SEC61A2: variants seen among roughly 807,000 people sequenced by gnomAD.
The protein encoded by SEC61A2 is SEC61 translocon subunit alpha 2, also known as protein transport protein Sec61 subunit alpha isoform 2.
Under a neutral mutation model 59.9 loss-of-function variants are expected in SEC61A2, and 28 were observed. The observed-to-expected ratio is 0.47, with a 90% confidence interval of 0.35 to 0.64. The LOEUF is 0.64. Ranked by LOEUF, SEC61A2 falls within the 30% of genes least tolerant of loss-of-function variation. The pLI is 0.01. For missense variants in SEC61A2, 340 were observed against 585.9 expected (o/e 0.58, Z 4.33); for synonymous variants, 202 against 214.4 (o/e 0.94, Z 0.50).
At chr10:12,129,660 G>T, upstream of SEC61A2, 1 of 897,804 alleles carries the variant, frequency 1.1e-6, no homozygotes, top group Non-Finnish European at 1.6e-6. This position sits in a 1 kb window ranked among gnomAD's most constrained non-coding sequence, Gnocchi z 5.6. Flanking sequence ...GTCTGCGCGG[G>T]GTTGGGCGGA....
rs933391749 is a variant in SEC61A2, at chr10:12,152,844, G to A, written c.462+2883G>A. On this transcript the variant is annotated intron_variant, in intron 6 of 11. Transcript: ENST00000298428. This position sits in a 1 kb window ranked among gnomAD's most constrained non-coding sequence, Gnocchi z 5.5. ...TGCAGTGAGCTGAGATTGCACCACT[G>A]CACTCCAGCCTGGCGACAGAGCGGG... 9.9e-5 allele frequency among the ~76,000 whole-genome samples: 15 copies of A among 152,160 alleles called. No individual in the cohort carries two copies. Among genetic ancestry groups the A allele is most frequent in the African/African-American group, 3.6e-4 (15 of 41,446 alleles).
At chr10:12,134,046 C>G (rs776568368) in intron 2 of SEC61A2, among the ~76,000 whole-genome samples, 10 of 144,474 alleles carry the variant, frequency 6.9e-5, no homozygotes, top group Admixed American at 5.6e-4. Context: ...TCGCTCTGTC[C>G]CCCAGGCTGG....
In SEC61A2 at chr10:12,156,886, G is replaced by C; in HGVS notation, c.617-21G>C. 6.2e-7 allele frequency: 1 copy of C among 1,612,690 alleles called. No individual in the cohort carries two copies. The highest frequency in any genetic ancestry group is 8.5e-7 in the Non-Finnish European group (1 of 1,179,510). Reference sequence around the variant, plus strand: ...GCTTTGGACGATGAGTCCACAGGTCGTGTCTGTCTTGATTTTACAGGTACT... The same window carrying C: ...GCTTTGGACGATGAGTCCACAGGTCCTGTCTGTCTTGATTTTACAGGTACT... On this transcript the variant is annotated intron_variant, in intron 7 of 11. Transcript: ENST00000298428. The surrounding 1 kb of genome is among the most constrained non-coding windows in gnomAD (Gnocchi z 5.2).
At chr10:12,157,128 G>C (rs753335775) in intron 8 of SEC61A2, 61 bp downstream of exon 8, 20 of 1,497,956 alleles carry the variant, frequency 1.3e-5, no homozygotes, top group Non-Finnish European at 1.7e-5. Context: ...CTCTTAAAGA[G>C]AATGCCATCT....
chr10:12,130,128 CGT>C (rs1833697495), intron 1 of SEC61A2, among the ~76,000 whole-genome samples: 1 of 152,138 alleles, frequency 6.6e-6, no homozygotes, highest in African/African-American at 2.4e-5. Flanking sequence ...AAAGAAATCC[CGT>C]GTTTTTATTC....
intron 3 of SEC61A2, among the ~76,000 whole-genome samples, chr10:12,136,686 G>A (rs565823794): frequency 6.6e-6 from 1 of 152,252 alleles, no homozygotes; most frequent in African/African-American, 2.4e-5. Context: ...CTGGAGTGCA[G>A]TGGTATGATC....
Position 12,164,733 on chromosome 10 carries a change from CAGTG to C in SEC61A2, c.*282_*285del. On this transcript the variant is annotated 3_prime_UTR_variant, in exon 12 of 12. Coordinates refer to ENST00000298428, the MANE Select transcript of SEC61A2 (RefSeq NM_018144.4). This position sits in a 1 kb window ranked among gnomAD's most constrained non-coding sequence, Gnocchi z 7.3. Reference sequence around the variant, plus strand: ...TCTACCTTGCTGTGTTAAATCATGACAGTGAGACGGTGAGATGGATTCGTTTTGC... The same window carrying C: ...TCTACCTTGCTGTGTTAAATCATGACAGACGGTGAGATGGATTCGTTTTGC... The C allele has an allele frequency of 1.7e-6, 2 of 1,186,864 alleles. No individual in the cohort carries two copies. The highest frequency in any genetic ancestry group is 2.1e-6 in the Non-Finnish European group (2 of 957,910). The allele number at this position is 1,186,864 out of a possible 1,614,324, so 73.5% of individuals were successfully genotyped here. A position where few individuals can be genotyped will look rare whatever the true frequency, so the allele number is the denominator to read the frequency against.
chr10:12,158,183 G>T lies in SEC61A2; in HGVS notation c.975+78G>T, dbSNP rs1834450214. The T allele has an allele frequency of 1.8e-6, 2 of 1,129,038 alleles. No homozygotes were observed. The highest frequency in any genetic ancestry group is 1.6e-5 in the African/African-American group (1 of 63,516). 69.9% of individuals were successfully genotyped at this position (1,129,038 alleles called of 1,614,324 possible). The stretch of plus-strand genomic sequence containing the variant: ...ATGGTTGTATTTTTAATGGAATGAG[G>T]TCGACATTGGAGCATTTGCTGTATT... On this transcript the variant is annotated intron_variant, in intron 9 of 11. Coordinates refer to ENST00000298428, the MANE Select transcript of SEC61A2 (RefSeq NM_018144.4). The surrounding 1 kb of genome is among the most constrained non-coding windows in gnomAD (Gnocchi z 5.7).
chr10:12,141,291 T>G (rs1834014060), intron 3 of SEC61A2, among the ~76,000 whole-genome samples: 1 of 152,224 alleles, frequency 6.6e-6, no homozygotes, highest in African/African-American at 2.4e-5. Flanking sequence ...ATTACCCAGC[T>G]GATAAATTCA....
chr10:12,162,149 A>G lies in SEC61A2; in HGVS notation c.1168-64A>G. 1 of 1,278,596 alleles carries G rather than the reference A, an allele frequency of 7.8e-7. No homozygotes were observed. Among genetic ancestry groups the G allele is most frequent in the Non-Finnish European group, 1.1e-6 (1 of 877,046 alleles). The allele number at this position is 1,278,596 out of a possible 1,614,324, so 79.2% of individuals were successfully genotyped here. On this transcript the variant is annotated intron_variant, in intron 10 of 11. Transcript: ENST00000298428. The surrounding 1 kb of genome is among the most constrained non-coding windows in gnomAD (Gnocchi z 6.1). ...GTGTGTGGCGAGCACTTCGCATAGA[A>G]CGTGGTAGATGTAAGCAGTGAAATG... is the stretch of plus-strand genomic sequence containing the variant.
In SEC61A2 at chr10:12,129,712, G is replaced by T. The variant is rs969814062; in HGVS notation, c.-76G>T. 2.8e-6 allele frequency: 4 copies of T among 1,413,924 alleles called. No homozygotes were observed. The highest frequency in any genetic ancestry group is 1.5e-5 in the African/African-American group (1 of 67,452). 87.6% of individuals were successfully genotyped at this position (1,413,924 alleles called of 1,614,324 possible). On this transcript the variant is annotated 5_prime_UTR_variant, in exon 1 of 12. Coordinates refer to ENST00000298428, the MANE Select transcript of SEC61A2 (RefSeq NM_018144.4). This position sits in a 1 kb window ranked among gnomAD's most constrained non-coding sequence, Gnocchi z 5.6. Reference sequence around the variant, plus strand: ...TAGGATCGCGTCGGGAGCCGGTACCGAGGCCCGAGCCGCGGGAGTCGAGCG... The same window carrying T: ...TAGGATCGCGTCGGGAGCCGGTACCTAGGCCCGAGCCGCGGGAGTCGAGCG...
intron 9 of SEC61A2, among the ~76,000 whole-genome samples, chr10:12,159,413 C>T (rs1337975724): frequency 2.6e-5 from 4 of 152,042 alleles, no homozygotes; most frequent in Non-Finnish European, 5.9e-5. Flanking sequence ...TTTAGCCAGG[C>T]GTGTTGGCTC....
rs1834357660 is a variant in SEC61A2 at position 12,154,700 on chromosome 10, C to G, written c.463-1078C>G. The stretch of plus-strand genomic sequence containing the variant: ...AGCCTGTAAATAGACAAGTTAGGCT[C>G]TGTCCAACTACTGAAATGGCAGTTA... On this transcript the variant is annotated intron_variant, in intron 6 of 11. Coordinates refer to ENST00000298428, the MANE Select transcript of SEC61A2 (RefSeq NM_018144.4). The surrounding 1 kb of genome is among the most constrained non-coding windows in gnomAD (Gnocchi z 5.2). 2.6e-5 allele frequency among the ~76,000 whole-genome samples: 4 copies of G among 152,220 alleles called. No homozygotes were observed. Among genetic ancestry groups the G allele is most frequent in the Admixed American group, 2.6e-4 (4 of 15,276 alleles).
chr10:12,153,052 C>G lies in SEC61A2; in HGVS notation c.463-2726C>G, dbSNP rs543244970. Among the ~76,000 whole-genome samples, 4 of 132,518 alleles carry G rather than the reference C, an allele frequency of 3.0e-5. No homozygotes were observed. The South Asian group carries it at 7.0e-4, about 23-fold the overall frequency. 86.9% of individuals were successfully genotyped at this position (132,518 alleles called of 152,430 possible). A position where few individuals can be genotyped will look rare whatever the true frequency, so the allele number is the denominator to read the frequency against. ...CCAGCCTGGGCGACAGAGTGAGACT[C>G]TGTCTCAAAAAAAAAAAAAAAGATT... On this transcript the variant is annotated intron_variant, in intron 6 of 11. Transcript: ENST00000298428. This position sits in a 1 kb window ranked among gnomAD's most constrained non-coding sequence, Gnocchi z 5.2.
At chr10:12,146,422 C>A (rs1834138973) in intron 4 of SEC61A2, among the ~76,000 whole-genome samples, 1 of 152,172 alleles carries the variant, frequency 6.6e-6, no homozygotes, top group African/African-American at 2.4e-5. Flanking sequence ...ATGCTGGGGG[C>A]CTACTCCTGT....
At chr10:12,169,380 G>A (rs1045220737), downstream of SEC61A2, 9 of 1,242,550 alleles carry the variant, frequency 7.2e-6, no homozygotes, top group African/African-American at 9.1e-5. This position sits in a 1 kb window ranked among gnomAD's most constrained non-coding sequence, Gnocchi z 4.8. Context: ...TGCTTTCCAC[G>A]CACCTCCTCA....
At chr10:12,157,129 A>G (rs754549859) in intron 8 of SEC61A2, 62 bp downstream of exon 8, 13 of 1,494,526 alleles carry the variant, frequency 8.7e-6, no homozygotes, top group Non-Finnish European at 1.1e-5. Context: ...TCTTAAAGAG[A>G]ATGCCATCTG....
At chr10:12,169,172 G>A, downstream of SEC61A2, 4 of 797,972 alleles carry the variant, frequency 5.0e-6, no homozygotes, top group Admixed American at 2.9e-5. The surrounding 1 kb of genome is among the most constrained non-coding windows in gnomAD (Gnocchi z 4.8). Flanking sequence ...AGGCAACTTG[G>A]TTCTTTTACC....
In SEC61A2 at chr10:12,165,067, TTCCTCCTTTTCCTTC is replaced by T; in HGVS notation, c.*621_*635del. ...CCTCCTTCTCCTCCTCCTCTTCCTC[TTCCTCCTTTTCCTTC>T]TCCTCCTCCTCTCTTCCCAGTGACA... On this transcript the variant is annotated 3_prime_UTR_variant, in exon 12 of 12. Transcript: ENST00000298428. 1 of 987,036 alleles carries T rather than the reference TTCCTCCTTTTCCTTC, an allele frequency of 1.0e-6. No homozygotes were observed. The highest frequency in any genetic ancestry group is 1.2e-6 in the Non-Finnish European group (1 of 830,514). 61.1% of individuals were successfully genotyped at this position (987,036 alleles called of 1,614,324 possible). A position where few individuals can be genotyped will look rare whatever the true frequency, so the allele number is the denominator to read the frequency against.
Sources: allele counts gnomAD v4.1 joint callset (sites outside exome capture counted in the v4.1 genomes callset), GRCh38; gene constraint gnomAD v4.1.1; non-coding constraint Gnocchi (gnomAD v3.1); transcripts MANE v1.5; gene names NCBI Gene and HGNC (gene_info 2026-07-23, HGNC 2026-07-21).